The following PSPC1 variants were observed in gnomAD, a reference collection of about 807,000 sequenced individuals.
PSPC1 encodes the protein paraspeckle component 1.
PSPC1 carries 14 observed loss-of-function variants against 51.6 expected under a neutral mutation model. That is an observed-to-expected ratio of 0.27 (90% CI 0.18 to 0.42). The LOEUF (loss-of-function observed/expected upper bound fraction) is 0.42. PSPC1 is among the 10% of genes least tolerant of loss of function. PSPC1 has a pLI of 1.00. For missense variants in PSPC1, 406 were observed against 701.1 expected (o/e 0.58, Z 4.75); for synonymous variants, 193 against 231.9 (o/e 0.83, Z 1.53).
At chr13:19,686,398 A>T (rs894197975) in intron 6 of PSPC1, among the ~76,000 whole-genome samples, 1 of 152,166 alleles carries the variant, frequency 6.6e-6, no homozygotes, top group Admixed American at 6.5e-5. Context: ...TTTCAGTAGC[A>T]GGGGGTCAAT....
At chr13:19,748,474 C>T (rs1227405418) in intron 4 of PSPC1, among the ~76,000 whole-genome samples, 1 of 152,136 alleles carries the variant, frequency 6.6e-6, no homozygotes, top group Non-Finnish European at 1.5e-5. Flanking sequence ...AACAAAAAAA[C>T]TCATGGGAAA....
intron 5 of PSPC1, among the ~76,000 whole-genome samples, chr13:19,730,946 G>GAAAAAAAAAAAAAAAAAA (rs1168386647): frequency 2.4e-4 from 6 of 25,240 alleles, no homozygotes; most frequent in Admixed American, 6.8e-4. Flanking sequence ...CCCTGTCTCA[G>GAAAAAAAAAAAAAAAAAA]AAAAAAAAAA....
chr13:19,770,443 T>C (rs1298684521), intron 2 of PSPC1, among the ~76,000 whole-genome samples: 4 of 152,130 alleles, frequency 2.6e-5, no homozygotes, highest in African/African-American at 7.2e-5. Context: ...GTGGATTACT[T>C]GAGGTCAGGA....
At chr13:19,672,780 CTA>C, downstream of PSPC1, 1 of 228,040 alleles carries the variant, frequency 4.4e-6, no homozygotes. Context: ...AACCAGTACA[CTA>C]TGAGACCTAA....
chr13:19,695,913 A>G (rs750474731), intron 6 of PSPC1, among the ~76,000 whole-genome samples: 59 of 152,286 alleles, frequency 3.9e-4, no homozygotes, highest in Non-Finnish European at 2.2e-4. Flanking sequence ...ATAAAAAAAA[A>G]AAGTCTTACT....
At chr13:19,748,242 A>C (rs1374024818) in intron 4 of PSPC1, among the ~76,000 whole-genome samples, 1 of 151,862 alleles carries the variant, frequency 6.6e-6, no homozygotes, top group Non-Finnish European at 1.5e-5. Flanking sequence ...AAAAAGAAAT[A>C]CAAAATTGTA....
intron 3 of PSPC1, among the ~76,000 whole-genome samples, chr13:19,754,879 T>C (rs1406046020): frequency 6.6e-6 from 1 of 152,172 alleles, no homozygotes; most frequent in Non-Finnish European, 1.5e-5. Flanking sequence ...AAATTTGTAA[T>C]GGTGACCTAT....
chr13:19,736,565 C>T (rs1179618683), intron 5 of PSPC1, among the ~76,000 whole-genome samples: 1 of 152,096 alleles, frequency 6.6e-6, no homozygotes, highest in Non-Finnish European at 1.5e-5. Context: ...CGCCTGTAAT[C>T]CTAGCTACTC....
chr13:19,724,205 A>G (rs193208680), intron 6 of PSPC1, among the ~76,000 whole-genome samples: 8 of 152,380 alleles, frequency 5.3e-5, no homozygotes, highest in African/African-American at 1.9e-4. Flanking sequence ...GGAAACCACA[A>G]AACTGTAACT....
chr13:19,687,984 G>C (rs891783128), intron 6 of PSPC1, among the ~76,000 whole-genome samples: 8 of 151,284 alleles, frequency 5.3e-5, no homozygotes, highest in African/African-American at 1.9e-4. Flanking sequence ...GCTCACGGTG[G>C]GCCCACTCTG....
At chr13:19,761,990 A>C (rs1400069372) in intron 2 of PSPC1, among the ~76,000 whole-genome samples, 3 of 152,228 alleles carry the variant, frequency 2.0e-5, no homozygotes, top group Non-Finnish European at 4.4e-5. Context: ...AAATGACAAA[A>C]GTATATGAAG....
At chr13:19,763,117 A>C (rs960101435) in intron 2 of PSPC1, among the ~76,000 whole-genome samples, 14 of 151,722 alleles carry the variant, frequency 9.2e-5, no homozygotes, top group African/African-American at 3.1e-4. Flanking sequence ...AAAAAAAAAA[A>C]CTCAACTTAA....
At chr13:19,674,343 T>TTCCATTTTTATACACTATCCTCGCAAG (rs1876384394), downstream of PSPC1, among the ~76,000 whole-genome samples, 1 of 152,240 alleles carries the variant, frequency 6.6e-6, no homozygotes, top group Admixed American at 6.5e-5. Context: ...AGAAAAACTA[T>TTCCATTTTTATACACTATCCTCGCAAG]TCCATTTTTA....
chr13:19,719,006 G>C (rs1364184566), intron 6 of PSPC1, among the ~76,000 whole-genome samples: 1 of 151,858 alleles, frequency 6.6e-6, no homozygotes, highest in Non-Finnish European at 1.5e-5. Context: ...TTTTTAAGGA[G>C]GTGAAAATAC....
intron 6 of PSPC1, among the ~76,000 whole-genome samples, chr13:19,715,801 C>G (rs1289050069): frequency 6.6e-6 from 1 of 152,024 alleles, no homozygotes; most frequent in Non-Finnish European, 1.5e-5. Context: ...ATCACGAGGT[C>G]AAGAGATCAA....
intron 6 of PSPC1, among the ~76,000 whole-genome samples, chr13:19,684,595 A>G (rs1877645467): frequency 6.6e-6 from 1 of 152,256 alleles, no homozygotes; most frequent in Non-Finnish European, 1.5e-5. Flanking sequence ...TGTAAATCAA[A>G]TTAGGAAAAA....
In PSPC1 at chr13:19,684,932, C is replaced by A. The variant is rs575505456; in HGVS notation, c.1159-7109G>T. Among the ~76,000 whole-genome samples the A allele has an allele frequency of 7.2e-5, 11 of 152,306 alleles. No individual in the cohort carries two copies. The East Asian group carries it at 1.3e-3, about 19-fold the overall frequency. On this transcript the variant is annotated intron_variant and NMD_transcript_variant, in intron 6 of 7. Transcript: ENST00000471658. Reference sequence around the variant, plus strand: ...GGTTTGCTTTAACATAGAATGACAACACATCTTCTAAAAAGAGACTAAAGT... The same window carrying A: ...GGTTTGCTTTAACATAGAATGACAAAACATCTTCTAAAAAGAGACTAAAGT...
Position 19,782,905 on chromosome 13 carries a change from C to T in PSPC1, c.-148G>A, listed in dbSNP as rs907678250. 4.7e-6 allele frequency: 4 copies of T among 856,596 alleles called. No individual in the cohort carries two copies. Among genetic ancestry groups the T allele is most frequent in the Non-Finnish European group, 4.9e-6 (3 of 614,622 alleles). The allele number at this position is 856,596 out of a possible 1,614,324, so 53.1% of individuals were successfully genotyped here. ...GGTAGGCGAGTCGGCAACCCGTCCT[C>T]CCCCAACTCACGCCCGCTGCAGCTG... is the stretch of plus-strand genomic sequence containing the variant. On this transcript the variant is annotated 5_prime_UTR_variant, in exon 1 of 9. Coordinates refer to ENST00000338910, the MANE Select transcript of PSPC1 (RefSeq NM_001354909.2). This position sits in a 1 kb window ranked among gnomAD's most constrained non-coding sequence, Gnocchi z 4.5.
chr13:19,682,122 T>A (rs1294052422), intron 6 of PSPC1, among the ~76,000 whole-genome samples: 1 of 152,206 alleles, frequency 6.6e-6, no homozygotes, highest in African/African-American at 2.4e-5. Flanking sequence ...GTCAAACTAA[T>A]TTTGATGTAA....
Sources: gnomAD v4.1 joint callset for allele counts (sites outside exome capture counted in the v4.1 genomes callset) on GRCh38, gnomAD v4.1.1 for gene constraint, Gnocchi (gnomAD v3.1) non-coding constraint, MANE v1.5 for transcripts, NCBI Gene and HGNC (gene_info 2026-07-23, HGNC 2026-07-21) for gene names.